The following CAT variants were observed in gnomAD, a reference collection of about 807,000 sequenced individuals.
CAT encodes epididymis secretory sperm binding protein.
In CAT, 43 loss-of-function variants were observed where a neutral mutation model predicts 59.0. The ratio of observed to expected loss-of-function variants is 0.73; its 90% CI spans 0.57 to 0.94. The LOEUF (loss-of-function observed/expected upper bound fraction) is 0.94. Among genes scored for constraint, CAT ranks in the 40% least tolerant of loss-of-function variants. CAT has a pLI of 0.00. For synonymous variants in CAT, 218 were observed against 230.9 expected (o/e 0.94, Z 0.51); for missense variants, 664 against 682.9 (o/e 0.97, Z 0.31).
chr11:34,464,353 A>T, intron 10 of CAT, 118 bp downstream of exon 10: 1 of 1,055,224 alleles, frequency 9.5e-7, no homozygotes, highest in Non-Finnish European at 1.5e-6. Flanking sequence ...ATTGAATTCA[A>T]GGAAGACTCA....
At chr11:34,452,946 C>A in intron 4 of CAT, 144 bp from the exon 5 acceptor site, 1 of 654,802 alleles carries the variant, frequency 1.5e-6, no homozygotes. Context: ...GAGTAAATTT[C>A]ATATTATGGT....
intron 2 of CAT, 125 bp from the exon 3 acceptor site, chr11:34,450,863 C>T (rs1856515882): frequency 2.6e-6 from 2 of 778,096 alleles, no homozygotes; most frequent in South Asian, 2.7e-5. Flanking sequence ...CTTCCTCCAA[C>T]ATACTGGAAG....
At chr11:34,464,667 G>A (rs1856693159) in intron 10 of CAT, among the ~76,000 whole-genome samples, 1 of 151,820 alleles carries the variant, frequency 6.6e-6, no homozygotes, top group South Asian at 2.1e-4. Flanking sequence ...TGCAGGGCTC[G>A]TCCTTCACGT....
chr11:34,463,308 T>TTA (rs1195138887), intron 9 of CAT, among the ~76,000 whole-genome samples: 6 of 152,264 alleles, frequency 3.9e-5, no homozygotes, highest in Non-Finnish European at 7.3e-5. Context: ...TTTGTCACTG[T>TTA]TTCTTATAAG....
At chr11:34,444,070 C>T (rs1322462185) in intron 1 of CAT, among the ~76,000 whole-genome samples, 2 of 151,886 alleles carry the variant, frequency 1.3e-5, no homozygotes, top group Non-Finnish European at 2.9e-5. Flanking sequence ...AGCTGAGAGG[C>T]CAAAGAAAGA....
At chr11:34,457,093 A>G in intron 8 of CAT, 2 of 450,798 alleles carry the variant, frequency 4.4e-6, no homozygotes, top group East Asian at 8.7e-5. Context: ...AAAAAGACAT[A>G]ATAGAAATAC....
At chr11:34,470,868 A>G (rs757002518) in intron 11 of CAT, 90 bp from the exon 12 acceptor site, 15 of 1,049,980 alleles carry the variant, frequency 1.4e-5, no homozygotes, top group Middle Eastern at 2.0e-4. Context: ...TTCCTCCCCT[A>G]TGGAATAAAC....
At chr11:34,456,606 G>C (rs1192285132) in intron 7 of CAT, 59 bp from the exon 8 acceptor site, 1 of 1,499,234 alleles carries the variant, frequency 6.7e-7, no homozygotes, top group Non-Finnish European at 9.3e-7. Context: ...ATTTTTGTGG[G>C]TAGCTTTGAT....
intron 8 of CAT, among the ~76,000 whole-genome samples, chr11:34,458,056 T>TA (rs1856611374): frequency 2.0e-5 from 3 of 152,264 alleles, no homozygotes; most frequent in South Asian, 4.1e-4. Flanking sequence ...GGTGCCATAA[T>TA]GTAAGGCAGA....
rs753429092 is a variant in CAT at position 34,456,015 on chromosome 11, A to G, written c.716A>G (p.Asp239Gly). 5.0e-6 allele frequency: 8 copies of G among 1,613,814 alleles called. No homozygotes were observed. The highest frequency in any genetic ancestry group is 2.5e-6 in the Non-Finnish European group (3 of 1,179,878). Residue 239 changes from aspartate (D) to glycine (G), a missense_variant, in exon 7 of 13, where the codon GAC (aspartate) becomes GGC (glycine). Coordinates refer to ENST00000241052, the MANE Select transcript of CAT (RefSeq NM_001752.4). ...AVYCKFHYKT[D>G]QGIKNLSVED... The stretch of plus-strand genomic sequence containing the variant: ...CTTCTTTCTTTCATTTTGTAGACTG[A>G]CCAGGGCATCAAAAACCTTTCTGTT...
At chr11:34,443,388 G>A (rs1590298000) in intron 1 of CAT, among the ~76,000 whole-genome samples, 1 of 152,236 alleles carries the variant, frequency 6.6e-6, no homozygotes, top group African/African-American at 2.4e-5. Context: ...TGAGTCAGAT[G>A]TGTTCATGAG....
chr11:34,471,296 A>G (rs978592985), intron 12 of CAT, 72 bp from the exon 13 acceptor site: 2 of 1,197,884 alleles, frequency 1.7e-6, no homozygotes, highest in African/African-American at 3.0e-5. Context: ...TTGCATACAT[A>G]TTAAAACTGA....
intron 10 of CAT, among the ~76,000 whole-genome samples, chr11:34,464,656 C>T (rs975320725): frequency 2.6e-5 from 4 of 151,982 alleles, no homozygotes; most frequent in Non-Finnish European, 5.9e-5. Flanking sequence ...GGCGTTTCCA[C>T]TGCAGGGCTC....
chr11:34,452,951 T>G, intron 4 of CAT, 139 bp from the exon 5 acceptor site: 1 of 672,692 alleles, frequency 1.5e-6, no homozygotes, highest in Non-Finnish European at 2.7e-6. Context: ...AATTTCATAT[T>G]ATGGTTTGGC....
At chr11:34,461,738 A>T (rs1856654361) in intron 9 of CAT, among the ~76,000 whole-genome samples, 1 of 152,230 alleles carries the variant, frequency 6.6e-6, no homozygotes, top group African/African-American at 2.4e-5. Flanking sequence ...ACCAAAATGG[A>T]CAATTCCTTA....
intron 6 of CAT, among the ~76,000 whole-genome samples, chr11:34,454,917 G>A (rs1856571570): frequency 6.6e-6 from 1 of 152,154 alleles, no homozygotes; most frequent in East Asian, 1.9e-4. Flanking sequence ...TCTTTTCACT[G>A]TGAAGTTGGC....
intron 2 of CAT, among the ~76,000 whole-genome samples, chr11:34,450,724 A>T (rs974161083): frequency 1.3e-5 from 2 of 152,190 alleles, no homozygotes; most frequent in African/African-American, 4.8e-5. Context: ...TCCTTGGGCC[A>T]ACCTTGACGA....
chr11:34,468,472 G>C (rs1482748695), intron 11 of CAT, 77 bp downstream of exon 11: 1 of 1,016,812 alleles, frequency 9.8e-7, no homozygotes, highest in African/African-American at 1.6e-5. Context: ...ACCCTAAAAA[G>C]AAAGTGCCAT....
intron 11 of CAT, 169 bp downstream of exon 11, chr11:34,468,564 C>T: frequency 3.1e-6 from 2 of 651,038 alleles, no homozygotes; most frequent in Non-Finnish European, 5.5e-6. Context: ...TATTTTCTTT[C>T]CATGTTTTAT....
Sources: allele counts gnomAD v4.1 joint callset (sites outside exome capture counted in the v4.1 genomes callset), GRCh38; gene constraint gnomAD v4.1.1; transcripts MANE v1.5; gene names NCBI Gene and HGNC (gene_info 2026-07-23, HGNC 2026-07-21).